Variants in THSD4 observed in about 807,000 individuals in gnomAD.
The protein encoded by THSD4 is thrombospondin type-1 domain-containing protein 4.
A neutral mutation model predicts 119.0 loss-of-function variants in THSD4; 69 were observed. The ratio of observed to expected loss-of-function variants is 0.58; its 90% CI spans 0.48 to 0.71. The LOEUF is 0.71. Among genes scored for constraint, THSD4 ranks in the 30% least tolerant of loss-of-function variants. THSD4 has a pLI of 0.00. For synonymous variants in THSD4, 524 were observed against 540.4 expected, an observed-to-expected ratio of 0.97 and a Z score of 0.42; for missense variants, 1,393 against 1,391.1, an observed-to-expected ratio of 1.00 and a Z score of -0.02.
chr15:71,408,199 C>G (rs1186435069), intron 6 of THSD4, among the ~76,000 whole-genome samples: 1 of 151,858 alleles, frequency 6.6e-6, no homozygotes, highest in Non-Finnish European at 1.5e-5. Flanking sequence ...AATATCCATG[C>G]AAAACCTTAA....
chr15:71,509,640 T>G (rs969633024), intron 7 of THSD4, among the ~76,000 whole-genome samples: 1 of 152,218 alleles, frequency 6.6e-6, no homozygotes, highest in African/African-American at 2.4e-5. Context: ...GGACTCCAAA[T>G]CCCACATATT....
chr15:71,355,779 G>C (rs2045801981), intron 6 of THSD4, among the ~76,000 whole-genome samples: 1 of 152,066 alleles, frequency 6.6e-6, no homozygotes, highest in Non-Finnish European at 1.5e-5. Context: ...CAGGACCCAG[G>C]GTCAGGGATG....
intron 3 of THSD4, among the ~76,000 whole-genome samples, chr15:71,184,560 A>T (rs2043578056): frequency 6.6e-6 from 1 of 151,808 alleles, no homozygotes; most frequent in Non-Finnish European, 1.5e-5. Context: ...TCTCAATTTC[A>T]TAGATGAGGA....
intron 6 of THSD4, among the ~76,000 whole-genome samples, chr15:71,271,965 A>G (rs2044535767): frequency 6.6e-6 from 1 of 152,258 alleles, no homozygotes; most frequent in Admixed American, 6.5e-5. Context: ...AAGCTTCTGC[A>G]TAGCAAAAGA....
At chr15:71,371,237 G>T (rs1310756277) in intron 6 of THSD4, among the ~76,000 whole-genome samples, 1 of 152,110 alleles carries the variant, frequency 6.6e-6, no homozygotes, top group Non-Finnish European at 1.5e-5. Context: ...TATCCAGTTT[G>T]CCAGTTTGTG....
At chr15:71,652,495 T>C (rs2051112541) in intron 7 of THSD4, among the ~76,000 whole-genome samples, 1 of 152,180 alleles carries the variant, frequency 6.6e-6, no homozygotes, top group Non-Finnish European at 1.5e-5. Flanking sequence ...TTTCAATCCA[T>C]GGAGGAGGAA....
chr15:71,614,607 A>G (rs1431053057), intron 7 of THSD4, among the ~76,000 whole-genome samples: 1 of 152,230 alleles, frequency 6.6e-6, no homozygotes, highest in East Asian at 1.9e-4. Context: ...TGAAATTTTA[A>G]AATAATAGTT....
At chr15:71,468,747 T>G (rs2047533684) in intron 7 of THSD4, among the ~76,000 whole-genome samples, 1 of 152,242 alleles carries the variant, frequency 6.6e-6, no homozygotes, top group South Asian at 2.1e-4. Flanking sequence ...TCTTACTCTT[T>G]CATGCTTAGC....
At chr15:71,514,889 G>A (rs1386395419) in intron 7 of THSD4, among the ~76,000 whole-genome samples, 1 of 152,128 alleles carries the variant, frequency 6.6e-6, no homozygotes, top group Admixed American at 6.5e-5. Context: ...CATCCTATGG[G>A]TGGATATATC....
At chr15:71,283,235 C>T (rs781086923) in intron 6 of THSD4, among the ~76,000 whole-genome samples, 6 of 152,168 alleles carry the variant, frequency 3.9e-5, no homozygotes, top group African/African-American at 7.2e-5. Flanking sequence ...TCCCAAAGTG[C>T]TGGGATTACA....
intron 7 of THSD4, among the ~76,000 whole-genome samples, chr15:71,559,870 A>C (rs935325016): frequency 2.6e-5 from 4 of 152,120 alleles, no homozygotes; most frequent in African/African-American, 7.2e-5. Context: ...GCTCAAACAA[A>C]ATTTTATTGT....
At chr15:71,403,987 G>A (rs1027296691) in intron 6 of THSD4, among the ~76,000 whole-genome samples, 20 of 152,014 alleles carry the variant, frequency 1.3e-4, no homozygotes, top group African/African-American at 3.9e-4. Flanking sequence ...ATTTTCCTGG[G>A]CACTTGATAG....
At chr15:71,547,187 C>G (rs1250268793) in intron 7 of THSD4, 3 of 1,318,452 alleles carry the variant, frequency 2.3e-6, no homozygotes, top group Non-Finnish European at 2.9e-6. Context: ...TCCCCTCCCC[C>G]AGCCGGGAGA....
intron 1 of THSD4, among the ~76,000 whole-genome samples, chr15:71,116,299 G>A (rs1257933275): frequency 6.6e-6 from 1 of 152,282 alleles, no homozygotes; most frequent in Non-Finnish European, 1.5e-5. Context: ...TGCAGCCTAA[G>A]TACCTGCGGC....
rs1596324164 is a variant in THSD4, at chr15:71,302,072, G to A, written c.1015+45357G>A. 2.0e-5 allele frequency among the ~76,000 whole-genome samples: 3 copies of A among 152,170 alleles called. No individual in the cohort carries two copies. In the South Asian group the frequency reaches 6.2e-4, roughly 31 times the overall value. On this transcript the variant is annotated intron_variant, in intron 6 of 17. Coordinates refer to ENST00000261862, the MANE Select transcript of THSD4 (RefSeq NM_024817.3). ...GTTTATTTTGGGATCTATTTCTAGA[G>A]ACTGAGGTTTGAAGTAGCATGCTCA...
intron 7 of THSD4, among the ~76,000 whole-genome samples, chr15:71,486,302 G>A (rs2047815781): frequency 6.6e-6 from 1 of 152,106 alleles, no homozygotes. Context: ...TTGCTAGTTT[G>A]GGATTCCACT....
intron 6 of THSD4, among the ~76,000 whole-genome samples, chr15:71,303,972 T>A (rs1399630766): frequency 6.6e-6 from 1 of 152,178 alleles, no homozygotes; most frequent in East Asian, 1.9e-4. Flanking sequence ...ACTCTGGCTA[T>A]GACCTTCAGG....
chr15:71,207,093 A>C (rs1484978649), intron 3 of THSD4, among the ~76,000 whole-genome samples: 1 of 152,170 alleles, frequency 6.6e-6, no homozygotes, highest in African/African-American at 2.4e-5. Flanking sequence ...CATGATTATG[A>C]TGTTTCATGG....
rs1254777720 is a variant in THSD4, at chr15:71,660,841, A to C, written c.1357+107A>C. On this transcript the variant is annotated intron_variant, in intron 8 of 17. Coordinates refer to ENST00000261862, the MANE Select transcript of THSD4 (RefSeq NM_024817.3). ...AGTGTCCGAGAGTCCCGGGGCATGC[A>C]GGCAGTGCCCCTGGGGAATGTCAAA... 24 of 1,255,368 alleles carry C rather than the reference A, an allele frequency of 1.9e-5. No individual in the cohort carries two copies. The Admixed American group carries it at 4.8e-4, about 25-fold the overall frequency. The allele number at this position is 1,255,368 out of a possible 1,614,324, so 77.8% of individuals were successfully genotyped here. A position where few individuals can be genotyped will look rare whatever the true frequency, so the allele number is the denominator to read the frequency against.
Sources: gnomAD v4.1 joint callset for allele counts (sites outside exome capture counted in the v4.1 genomes callset) on GRCh38, gnomAD v4.1.1 for gene constraint, MANE v1.5 for transcripts, NCBI Gene and HGNC (gene_info 2026-07-23, HGNC 2026-07-21) for gene names.